Variants in UNC93A observed in about 807,000 individuals in gnomAD.
The protein encoded by UNC93A is N-acetylglucosamine transporter UNC93A.
UNC93A carries 43 observed loss-of-function variants against 47.5 expected under a neutral mutation model. The ratio of observed to expected loss-of-function variants is 0.91; its 90% CI spans 0.71 to 1.17. The LOEUF (loss-of-function observed/expected upper bound fraction) is 1.17. UNC93A is among the 50% of genes most tolerant of loss of function. The pLI is 0.00. For synonymous variants in UNC93A, 280 were observed against 258.0 expected (o/e 1.09, Z -0.82); for missense variants, 605 against 577.6 (o/e 1.05, Z -0.49).
chr6:167,281,350 C>T (rs1400566392), intron 1 of UNC93A, among the ~76,000 whole-genome samples: 2 of 152,164 alleles, frequency 1.3e-5, no homozygotes, highest in Non-Finnish European at 2.9e-5. Flanking sequence ...CCTGTTTATT[C>T]TGAGACCAGA....
chr6:167,277,205 C>A (rs1029977932), intron 1 of UNC93A, among the ~76,000 whole-genome samples: 1 of 152,230 alleles, frequency 6.6e-6, no homozygotes, highest in Non-Finnish European at 1.5e-5. Flanking sequence ...AAGGAGCCAT[C>A]TTCACCCTGA....
chr6:167,296,838 C>T (rs994755753), intron 3 of UNC93A, among the ~76,000 whole-genome samples: 1 of 152,174 alleles, frequency 6.6e-6, no homozygotes. Context: ...AGAGGACATA[C>T]ATCTCTTTCA....
At chr6:167,311,679 G>T (rs1018980965) in intron 7 of UNC93A, among the ~76,000 whole-genome samples, 1 of 152,158 alleles carries the variant, frequency 6.6e-6, no homozygotes, top group Non-Finnish European at 1.5e-5. Flanking sequence ...TTTAACCCTG[G>T]GCCACCTGGG....
upstream of UNC93A, among the ~76,000 whole-genome samples, chr6:167,288,294 G>A (rs920054994): frequency 2.6e-5 from 4 of 152,206 alleles, no homozygotes; most frequent in Non-Finnish European, 5.9e-5. Flanking sequence ...GAAGAAGCCA[G>A]AGCCCCGAAT....
chr6:167,281,207 A>T (rs1323041582), intron 1 of UNC93A, among the ~76,000 whole-genome samples: 2 of 151,482 alleles, frequency 1.3e-5, no homozygotes, highest in Non-Finnish European at 2.9e-5. Flanking sequence ...ATCCCACTGA[A>T]AGGAGCCCCA....
intron 4 of UNC93A, among the ~76,000 whole-genome samples, chr6:167,298,557 T>C (rs1215308747): frequency 1.3e-5 from 2 of 151,346 alleles, no homozygotes; most frequent in Non-Finnish European, 2.9e-5. Flanking sequence ...ATGTGCTGAG[T>C]ACCTTCTGTG....
upstream of UNC93A, among the ~76,000 whole-genome samples, chr6:167,288,301 G>A (rs76783562): frequency 6.6e-6 from 1 of 152,196 alleles, no homozygotes; most frequent in Admixed American, 6.5e-5. Flanking sequence ...CCAGAGCCCC[G>A]AATGCCCGCT....
chr6:167,277,926 A>G (rs910406478), intron 1 of UNC93A, among the ~76,000 whole-genome samples: 1 of 152,052 alleles, frequency 6.6e-6, no homozygotes, highest in Non-Finnish European at 1.5e-5. Flanking sequence ...AGGCCCTGGC[A>G]GAGCCACCAG....
At chr6:167,291,883 C>G (rs1783849257) in intron 1 of UNC93A, among the ~76,000 whole-genome samples, 1 of 152,142 alleles carries the variant, frequency 6.6e-6, no homozygotes, top group Non-Finnish European at 1.5e-5. Context: ...AAAGGAGACA[C>G]AGGAAAAGTC....
Position 167,310,652 on chromosome 6 carries a change from A to T in UNC93A, c.1108+2742A>T, listed in dbSNP as rs969745610. ...TCCCACCACTTTGGGAGGATGAACC[A>T]GACAGATCACTTAAGCTCAGGAGTT... On this transcript the variant is annotated intron_variant, in intron 7 of 7. Transcript: ENST00000230256. Among the ~76,000 whole-genome samples, 95 of 152,312 alleles carry T rather than the reference A, an allele frequency of 6.2e-4. 1 individual carries two copies. The highest frequency in any genetic ancestry group is 3.4e-3 in the Middle Eastern group (1 of 294).
At chr6:167,302,826 A>G (rs1778279184) in intron 4 of UNC93A, among the ~76,000 whole-genome samples, 1 of 152,196 alleles carries the variant, frequency 6.6e-6, no homozygotes, top group Non-Finnish European at 1.5e-5. Flanking sequence ...ACCTGAGGCT[A>G]GCTGCGGTCT....
At position 167,298,077 on chromosome 6, in the gene UNC93A, G is replaced by A. The variant is rs1778139418; in HGVS notation, c.625+7G>A. 1.2e-6 allele frequency: 2 copies of A among 1,613,016 alleles called. No homozygotes were observed. The highest frequency in any genetic ancestry group is 1.3e-5 in the African/African-American group (1 of 74,876). Reference sequence around the variant, plus strand: ...CTCCTGGGCATCTACACTGGTACGAGCTCCATCGGCCCAGGGCAGGGTCCC... The same window carrying A: ...CTCCTGGGCATCTACACTGGTACGAACTCCATCGGCCCAGGGCAGGGTCCC... On this transcript the variant is annotated splice_region_variant and intron_variant, in intron 4 of 7. Transcript: ENST00000230256.
At chr6:167,269,445 T>C (rs28491922), upstream of UNC93A, among the ~76,000 whole-genome samples, 12 of 152,318 alleles carry the variant, frequency 7.9e-5, no homozygotes, top group Admixed American at 7.2e-4. Context: ...CATTTGAAAT[T>C]GGCATTGCAC....
At chr6:167,311,045 A>AG (rs1778541938) in intron 7 of UNC93A, among the ~76,000 whole-genome samples, 1 of 152,170 alleles carries the variant, frequency 6.6e-6, no homozygotes, top group African/African-American at 2.4e-5. Flanking sequence ...TCTGTTCTCT[A>AG]TTTTTTGAAA....
chr6:167,280,569 C>A (rs1004202922), intron 1 of UNC93A, among the ~76,000 whole-genome samples: 2 of 152,140 alleles, frequency 1.3e-5, no homozygotes, highest in Non-Finnish European at 1.5e-5. Flanking sequence ...TTATGAATAT[C>A]TCAGTCCTTA....
chr6:167,304,821 C>T (rs2981974), intron 5 of UNC93A, among the ~76,000 whole-genome samples: 56,551 of 152,078 alleles, frequency 0.37, 10,635 homozygotes, highest in East Asian at 0.47. Flanking sequence ...CTGCCTGCCT[C>T]GGCCTCCCAA....
chr6:167,310,868 A>G (rs1395733353), intron 7 of UNC93A, among the ~76,000 whole-genome samples: 2 of 152,186 alleles, frequency 1.3e-5, no homozygotes, highest in Non-Finnish European at 2.9e-5. Flanking sequence ...GCGACAGAGC[A>G]AGACTCTGTC....
In UNC93A at chr6:167,296,181, T is replaced by A. The variant is rs1343225229; in HGVS notation, c.419T>A (p.Ile140Asn). The change falls in exon 3 of 8, where the codon ATC (isoleucine) becomes AAC (asparagine). Residue 140 changes from isoleucine (I) to asparagine (N), a missense_variant. Transcript: ENST00000230256. Reference protein sequence around the residue: ...GKDMVNQYFGIFFLIFQSSGV... With the variant: ...GKDMVNQYFGNFFLIFQSSGV... The stretch of plus-strand genomic sequence containing the variant: ...GACATGGTGAACCAGTATTTTGGCA[T>A]CTTCTTCCTCATATTCCAGTCATCC... 3 of 1,614,214 alleles carry A rather than the reference T, an allele frequency of 1.9e-6. No homozygotes were observed. The African/African-American group carries it at 4.0e-5, about 22-fold the overall frequency.
chr6:167,277,398 C>T (rs1345868696), intron 1 of UNC93A, among the ~76,000 whole-genome samples: 1 of 152,202 alleles, frequency 6.6e-6, no homozygotes, highest in Admixed American at 6.5e-5. Flanking sequence ...CACTGCTGGC[C>T]TGACCAATTC....
Sources: allele counts gnomAD v4.1 joint callset (sites outside exome capture counted in the v4.1 genomes callset), GRCh38; gene constraint gnomAD v4.1.1; transcripts MANE v1.5; gene names NCBI Gene and HGNC (gene_info 2026-07-23, HGNC 2026-07-21).